The following OR5D3 variants were observed in gnomAD, a reference collection of about 807,000 sequenced individuals.
OR5D3 encodes olfactory receptor 5D3.
chr11:55,726,585 G>T, the OR5D3 span: 2 of 404,712 alleles, frequency 4.9e-6, no homozygotes, highest in South Asian at 2.5e-4. Flanking sequence ...ACAGATTTGT[G>T]GCAGTGTGTA....
chr11:55,727,753 T>C, the OR5D3 span: 1 of 152,078 alleles, frequency 6.6e-6, no homozygotes, highest in South Asian at 2.1e-4. Context: ...CCCATCACCC[T>C]AGTTCTGCCA....
the OR5D3 span, chr11:55,724,068 GTT>G: frequency 2.0e-5 from 8 of 397,428 alleles, no homozygotes; most frequent in South Asian, 8.9e-4. Context: ...AGTTGATTTA[GTT>G]TTTTTAAAAT....
the OR5D3 span, chr11:55,729,480 A>G: frequency 1.3e-5 from 2 of 152,054 alleles, no homozygotes; most frequent in Non-Finnish European, 2.9e-5. Flanking sequence ...AACAACTATA[A>G]AAATTATATC....
At chr11:55,729,121 AT>A in the OR5D3 span, 1 of 151,990 alleles carries the variant, frequency 6.6e-6, no homozygotes, top group Non-Finnish European at 1.5e-5. Context: ...TTAATACAAG[AT>A]TTTTTTATTT....
the OR5D3 span, chr11:55,728,851 C>T: frequency 6.6e-6 from 1 of 151,890 alleles, no homozygotes; most frequent in African/African-American, 2.4e-5. Context: ...TAATTAAATG[C>T]TCTAGTCGAG....
chr11:55,726,364 A>G, the OR5D3 span: 1 of 469,578 alleles, frequency 2.1e-6, no homozygotes, highest in Non-Finnish European at 3.9e-6. Flanking sequence ...GGTCATCAGG[A>G]TCAACCCCAA....
the OR5D3 span, chr11:55,727,650 A>T: frequency 6.6e-6 from 1 of 152,050 alleles, no homozygotes; most frequent in Admixed American, 6.6e-5. Flanking sequence ...GAAGTCCAGA[A>T]TCTGGTAAAG....
the OR5D3 span, chr11:55,728,863 A>G: frequency 1.6e-4 from 25 of 152,008 alleles, no homozygotes; most frequent in Non-Finnish European, 3.2e-4. Context: ...CTAGTCGAGT[A>G]TTTTTAAAGC....
chr11:55,723,973 T>G, the OR5D3 span: 1 of 397,868 alleles, frequency 2.5e-6, no homozygotes, highest in African/African-American at 2.1e-5. Flanking sequence ...AATTAAGTGC[T>G]AAGCGGGAGC....
At chr11:55,724,808 T>C in the OR5D3 span, among the ~76,000 whole-genome samples, 1 of 152,004 alleles carries the variant, frequency 6.6e-6, no homozygotes, top group Non-Finnish European at 1.5e-5. Flanking sequence ...CATAATCTAG[T>C]TTTATAGTGT....
chr11:55,727,795 T>C, the OR5D3 span: 1 of 152,080 alleles, frequency 6.6e-6, no homozygotes, highest in East Asian at 1.9e-4. Context: ...ATGTTATTTA[T>C]TTATTAAAAA....
chr11:55,725,089 C>A, the OR5D3 span, among the ~76,000 whole-genome samples: 90 of 152,076 alleles, frequency 5.9e-4, no homozygotes, highest in African/African-American at 2.1e-3. Flanking sequence ...CCATATAGGC[C>A]TCATTTCAAT....
the OR5D3 span, chr11:55,726,126 T>C: frequency 2.5e-6 from 1 of 397,366 alleles, no homozygotes; most frequent in East Asian, 3.6e-5. Flanking sequence ...AAAGACCCAC[T>C]AAGTCTCTCA....
the OR5D3 span, chr11:55,728,103 C>T: frequency 6.6e-6 from 1 of 152,156 alleles, no homozygotes; most frequent in South Asian, 2.1e-4. Flanking sequence ...AGATCAGCTA[C>T]CTTTGGAACT....
the OR5D3 span, chr11:55,727,347 G>A: frequency 2.7e-6 from 1 of 364,570 alleles, no homozygotes; most frequent in Non-Finnish European, 4.9e-6. Flanking sequence ...CTAAATTTTT[G>A]ATCGAGAATA....
At chr11:55,728,084 G>C in the OR5D3 span, 2 of 152,044 alleles carry the variant, frequency 1.3e-5, no homozygotes, top group Non-Finnish European at 2.9e-5. Flanking sequence ...TGTCAAGAAT[G>C]GGGTAACTAG....
chr11:55,727,463 T>G, the OR5D3 span: 1 of 172,730 alleles, frequency 5.8e-6, no homozygotes, highest in African/African-American at 2.4e-5. Flanking sequence ...TGAGATGATC[T>G]GAAGAATAGT....
chr11:55,724,780 GTGAC>G, the OR5D3 span, among the ~76,000 whole-genome samples: 1 of 152,046 alleles, frequency 6.6e-6, no homozygotes, highest in African/African-American at 2.4e-5. Flanking sequence ...ATTGAGGAGA[GTGAC>G]TGGGAAATAC....
chr11:55,724,163 A>G, the OR5D3 span: 2 of 387,708 alleles, frequency 5.2e-6, no homozygotes, highest in Admixed American at 8.9e-5. Context: ...CCTCAAATCC[A>G]CTTAGTTCAT....
Sources: gnomAD v4.1 joint callset for allele counts (sites outside exome capture counted in the v4.1 genomes callset) on GRCh38, gnomAD v4.1.1 for gene constraint, MANE v1.5 for transcripts, NCBI Gene and HGNC (gene_info 2026-07-23, HGNC 2026-07-21) for gene names.